Variants in PARN observed in about 807,000 individuals in gnomAD.
The protein encoded by PARN is poly(A)-specific ribonuclease.
A neutral mutation model predicts 102.8 loss-of-function variants in PARN; 71 were observed. That is an observed-to-expected ratio of 0.69 (90% CI 0.57 to 0.84). The LOEUF (loss-of-function observed/expected upper bound fraction) is 0.84, where lower values mean the gene tolerates loss of function less well. Among genes scored for constraint, PARN ranks in the 40% least tolerant of loss-of-function variants. The pLI is 0.00. For synonymous variants in PARN, 261 were observed against 252.9 expected (o/e 1.03, Z -0.30); for missense variants, 782 against 760.9 (o/e 1.03, Z -0.33).
intron 18 of PARN, among the ~76,000 whole-genome samples, chr16:14,560,893 C>T (rs1380803385): frequency 2.0e-5 from 3 of 152,232 alleles, no homozygotes; most frequent in African/African-American, 7.2e-5. Context: ...CGGTGGCTCA[C>T]GCCTATAATC....
At chr16:14,621,465 C>T (rs769582384) in intron 5 of PARN, among the ~76,000 whole-genome samples, 4 of 152,094 alleles carry the variant, frequency 2.6e-5, no homozygotes, top group African/African-American at 4.8e-5. Flanking sequence ...CATTTAAATA[C>T]GGTTAGAATA....
At chr16:14,443,167 G>T (rs1165459384) in intron 23 of PARN, among the ~76,000 whole-genome samples, 1 of 152,094 alleles carries the variant, frequency 6.6e-6, no homozygotes, top group African/African-American at 2.4e-5. Flanking sequence ...CTGTCTAATA[G>T]TATAAACCCA....
intron 5 of PARN, among the ~76,000 whole-genome samples, chr16:14,619,047 T>C (rs948426026): frequency 2.6e-5 from 4 of 151,686 alleles, no homozygotes; most frequent in Admixed American, 6.6e-5. Context: ...AATTTAAAAA[T>C]TAGCCAGGCA....
chr16:14,603,410 C>G (rs1970995584), intron 11 of PARN, among the ~76,000 whole-genome samples: 2 of 152,190 alleles, frequency 1.3e-5, no homozygotes, highest in Admixed American at 6.5e-5. Context: ...CATTCATCCA[C>G]ATGCAAACCC....
chr16:14,537,861 G>A (rs973570075), intron 21 of PARN, among the ~76,000 whole-genome samples: 1 of 152,086 alleles, frequency 6.6e-6, no homozygotes. Flanking sequence ...CTGATGTTCT[G>A]GCAGCACTGG....
At chr16:14,472,028 C>T (rs1235354877) in intron 22 of PARN, among the ~76,000 whole-genome samples, 1 of 152,204 alleles carries the variant, frequency 6.6e-6, no homozygotes, top group East Asian at 1.9e-4. Flanking sequence ...ACTATCCCCT[C>T]TCAAAGAAAG....
At chr16:14,551,058 G>A (rs985213954) in intron 21 of PARN, among the ~76,000 whole-genome samples, 1 of 151,186 alleles carries the variant, frequency 6.6e-6, no homozygotes, top group Non-Finnish European at 1.5e-5. Flanking sequence ...TGCCTCCCGG[G>A]TTCAAGCAAT....
rs185306324 is a variant in PARN, at chr16:14,554,054, T to G, written c.1405+11A>C. 74 of 1,590,266 alleles carry G rather than the reference T, an allele frequency of 4.7e-5. 1 individual carries two copies. In the Admixed American group the frequency reaches 1.2e-3, roughly 26 times the overall value. ...AAAACCCTAAAAAGTACATCTGAAC[T>G]TGCGACTTACCAAAGGCACTGAAAA... On this transcript the variant is annotated intron_variant, in intron 20 of 23. Transcript: ENST00000437198.
At chr16:14,524,034 T>C (rs1012057327) in intron 21 of PARN, among the ~76,000 whole-genome samples, 1 of 152,138 alleles carries the variant, frequency 6.6e-6, no homozygotes, top group African/African-American at 2.4e-5. Context: ...ACAGAAAAGG[T>C]ATAGTAAAAA....
chr16:14,518,207 T>G (rs1457198051), intron 21 of PARN, among the ~76,000 whole-genome samples: 2 of 140,506 alleles, frequency 1.4e-5, no homozygotes, highest in African/African-American at 2.7e-5. Context: ...AAAGACTACT[T>G]CATATACCCA....
At chr16:14,438,502 A>G (rs573965937) in intron 23 of PARN, among the ~76,000 whole-genome samples, 1 of 150,602 alleles carries the variant, frequency 6.6e-6, no homozygotes, top group South Asian at 2.1e-4. Flanking sequence ...GGTTCCATGA[A>G]GAGCTAACAG....
intron 5 of PARN, among the ~76,000 whole-genome samples, chr16:14,625,652 C>T (rs762462721): frequency 6.6e-6 from 1 of 152,170 alleles, no homozygotes; most frequent in Non-Finnish European, 1.5e-5. Flanking sequence ...AGAATTTAAC[C>T]TTCACCTTTT....
intron 21 of PARN, among the ~76,000 whole-genome samples, chr16:14,537,769 C>T (rs865828689): frequency 2.6e-5 from 4 of 151,884 alleles, no homozygotes; most frequent in Admixed American, 1.3e-4. Context: ...GTATTAAAGG[C>T]GCGGAAGGGT....
At chr16:14,447,667 G>A (rs1251107345) in intron 22 of PARN, among the ~76,000 whole-genome samples, 1 of 152,030 alleles carries the variant, frequency 6.6e-6, no homozygotes, top group Non-Finnish European at 1.5e-5. Flanking sequence ...TTGACATATT[G>A]AATTAAATCA....
At position 14,590,386 on chromosome 16, in the gene PARN, G is replaced by A. The variant is rs547590604; in HGVS notation, c.918+2915C>T. On this transcript the variant is annotated intron_variant, in intron 13 of 23. Transcript: ENST00000437198. ...GTGGTGGCTCACGCCTGTAATCCCA[G>A]AACTTTGGGAGGCGGAGGCGGGTGG... Among the ~76,000 whole-genome samples the A allele has an allele frequency of 1.3e-4, 20 of 151,658 alleles. No homozygotes were observed. In the South Asian group the frequency reaches 4.2e-3, roughly 32 times the overall value.
chr16:14,482,435 G>C (rs1963432704), intron 22 of PARN, among the ~76,000 whole-genome samples: 1 of 152,082 alleles, frequency 6.6e-6, no homozygotes, highest in Non-Finnish European at 1.5e-5. Context: ...GGTTTTGTGA[G>C]GGTTAACCAA....
At chr16:14,536,667 G>A (rs1323123412) in intron 21 of PARN, among the ~76,000 whole-genome samples, 5 of 151,752 alleles carry the variant, frequency 3.3e-5, no homozygotes, top group African/African-American at 9.7e-5. Context: ...TAAAGAGAGG[G>A]GTATTAAACA....
At chr16:14,564,389 G>A (rs1039772961) in intron 18 of PARN, among the ~76,000 whole-genome samples, 1 of 152,162 alleles carries the variant, frequency 6.6e-6, no homozygotes, top group Non-Finnish European at 1.5e-5. Flanking sequence ...TGGGTAGAGC[G>A]AATTTTCAAG....
intron 9 of PARN, among the ~76,000 whole-genome samples, chr16:14,607,494 C>G (rs2045692525): frequency 6.6e-6 from 1 of 152,178 alleles, no homozygotes. Context: ...AGGAGTGAGC[C>G]ACCGCGCCCG....
Sources: allele counts gnomAD v4.1 joint callset (sites outside exome capture counted in the v4.1 genomes callset), GRCh38; gene constraint gnomAD v4.1.1; transcripts MANE v1.5; gene names NCBI Gene and HGNC (gene_info 2026-07-23, HGNC 2026-07-21).